Variants in TOM1L1 observed in about 807,000 individuals in gnomAD.
TOM1L1 encodes the protein TOM1-like protein 1.
In TOM1L1, 64 loss-of-function variants were observed where a neutral mutation model predicts 63.4. That is an observed-to-expected ratio of 1.01 (90% confidence interval 0.83 to 1.24). TOM1L1 has a LOEUF of 1.24. TOM1L1 is among the 50% of genes most tolerant of loss of function. The pLI is 0.00. For synonymous variants in TOM1L1, 166 were observed against 194.4 expected (o/e 0.85, Z 1.22); for missense variants, 536 against 567.0 (o/e 0.95, Z 0.55).
At chr17:54,909,103 A>T (rs967491851) in intron 3 of TOM1L1, among the ~76,000 whole-genome samples, 1 of 152,124 alleles carries the variant, frequency 6.6e-6, no homozygotes, top group African/African-American at 2.4e-5. Context: ...TACTGAAAAT[A>T]CAAAAACTAG....
intron 14 of TOM1L1, chr17:54,959,616 A>AT (rs71361745): frequency 0.019 from 2,663 of 138,658 alleles, 82 homozygotes; most frequent in African/African-American, 0.058. Context: ...TGGAAGATTA[A>AT]TTTTTTTTTT....
chr17:54,915,957 T>A, intron 7 of TOM1L1, 95 bp downstream of exon 7: 1 of 816,240 alleles, frequency 1.2e-6, no homozygotes, highest in Non-Finnish European at 2.0e-6. Context: ...TAATATTGTC[T>A]AGTACATCCT....
chr17:54,920,610 C>T (rs2048668360), intron 7 of TOM1L1, among the ~76,000 whole-genome samples: 1 of 152,150 alleles, frequency 6.6e-6, no homozygotes, highest in Non-Finnish European at 1.5e-5. Context: ...CCAGAAGCAA[C>T]CCATACTAAC....
intron 3 of TOM1L1, among the ~76,000 whole-genome samples, chr17:54,906,993 A>G (rs937798423): frequency 2.0e-5 from 3 of 152,244 alleles, no homozygotes; most frequent in African/African-American, 7.2e-5. Context: ...ATATGTGAGC[A>G]TAGCTCCTGG....
chr17:54,933,454 G>A (rs1380076022), intron 8 of TOM1L1, among the ~76,000 whole-genome samples: 1 of 152,254 alleles, frequency 6.6e-6, no homozygotes, highest in Non-Finnish European at 1.5e-5. Flanking sequence ...GGTTAAGGAT[G>A]CACCTGTGGC....
At chr17:54,945,617 G>A (rs2049105613) in intron 11 of TOM1L1, among the ~76,000 whole-genome samples, 1 of 151,570 alleles carries the variant, frequency 6.6e-6, no homozygotes, top group Non-Finnish European at 1.5e-5. Context: ...TTATGTTCAA[G>A]TTCACCGACT....
At chr17:54,910,169 G>T (rs1156779621) in intron 3 of TOM1L1, among the ~76,000 whole-genome samples, 3 of 152,152 alleles carry the variant, frequency 2.0e-5, no homozygotes, top group African/African-American at 7.2e-5. Flanking sequence ...AAATTAGTTT[G>T]TGAGGGCCAG....
At chr17:54,960,208 C>T (rs1476975992) in intron 14 of TOM1L1, among the ~76,000 whole-genome samples, 1 of 151,768 alleles carries the variant, frequency 6.6e-6, no homozygotes, top group African/African-American at 2.4e-5. Flanking sequence ...ACTTAAAATA[C>T]AAAAAAATTA....
intron 7 of TOM1L1, 115 bp from the exon 8 acceptor site, chr17:54,929,958 C>A: frequency 7.8e-7 from 1 of 1,276,944 alleles, no homozygotes; most frequent in South Asian, 1.4e-5. Flanking sequence ...TTTGGTAGTG[C>A]CCCACAGGCT....
At chr17:54,910,363 T>C (rs2048478295) in intron 3 of TOM1L1, among the ~76,000 whole-genome samples, 1 of 152,082 alleles carries the variant, frequency 6.6e-6, no homozygotes, top group Non-Finnish European at 1.5e-5. Context: ...AGCCGAGGCA[T>C]GAGAATCACC....
chr17:54,904,054 C>T (rs371085106), intron 2 of TOM1L1, among the ~76,000 whole-genome samples: 15 of 152,232 alleles, frequency 9.9e-5, no homozygotes, highest in African/African-American at 3.4e-4. Flanking sequence ...CACTGTGAAG[C>T]TCAAATTCCT....
intron 10 of TOM1L1, chr17:54,938,146 T>G: frequency 6.6e-6 from 1 of 152,200 alleles, no homozygotes; most frequent in East Asian, 1.9e-4. Flanking sequence ...AGTTTTTAAT[T>G]GAGAATTTTC....
At chr17:54,940,124 G>A (rs2049012364) in intron 11 of TOM1L1, among the ~76,000 whole-genome samples, 1 of 152,058 alleles carries the variant, frequency 6.6e-6, no homozygotes, top group Admixed American at 6.6e-5. Flanking sequence ...TCAAACACCT[G>A]GGCTCAAGCG....
chr17:54,917,150 C>T (rs970110289), intron 7 of TOM1L1: 2 of 152,026 alleles, frequency 1.3e-5, no homozygotes, highest in African/African-American at 4.8e-5. Flanking sequence ...ACTTATCTTC[C>T]TTAGTAGATG....
intron 2 of TOM1L1, among the ~76,000 whole-genome samples, chr17:54,904,526 T>TA (rs2048380159): frequency 6.6e-6 from 1 of 152,220 alleles, no homozygotes; most frequent in Admixed American, 6.5e-5. Context: ...TTATTTCTAG[T>TA]AACCAGGAAA....
intron 14 of TOM1L1, chr17:54,953,760 C>T (rs1426189876): frequency 6.6e-6 from 1 of 152,122 alleles, no homozygotes; most frequent in Non-Finnish European, 1.5e-5. Flanking sequence ...TACTATAGAC[C>T]TTAAAGGAGA....
At position 54,930,058 on chromosome 17, in the gene TOM1L1, T is replaced by C. The variant is rs2048832555; in HGVS notation, c.721-15T>C. The stretch of plus-strand genomic sequence containing the variant: ...CCAAGTGTGGAAGAAGAAATCTCTC[T>C]CCTTTCTTTGACAGAAACTCTATAA... On this transcript the variant is annotated splice_polypyrimidine_tract_variant and intron_variant, in intron 7 of 15. Coordinates refer to ENST00000575882, the MANE Select transcript of TOM1L1 (RefSeq NM_005486.3). The C allele has an allele frequency of 6.2e-7, 1 of 1,613,828 alleles. No homozygotes were observed. The highest frequency in any genetic ancestry group is 1.1e-5 in the South Asian group (1 of 91,058).
chr17:54,946,309 T>C (rs971558589), intron 11 of TOM1L1, among the ~76,000 whole-genome samples: 2 of 152,130 alleles, frequency 1.3e-5, no homozygotes, highest in African/African-American at 4.8e-5. Flanking sequence ...TCATCGTGAT[T>C]TATCTGGTAC....
Position 54,947,426 on chromosome 17 carries a change from G to T in TOM1L1, c.1182+114G>T. Reference sequence around the variant, plus strand: ...CTGCTCAGTATTGTGTTGATGCGCAGCCCCTGTTAGCAAGATGGTAAGGAT... The same window carrying T: ...CTGCTCAGTATTGTGTTGATGCGCATCCCCTGTTAGCAAGATGGTAAGGAT... On this transcript the variant is annotated intron_variant, in intron 12 of 15. Transcript: ENST00000575882. 2.5e-6 allele frequency: 3 copies of T among 1,185,022 alleles called. 1 individual carries two copies. In the South Asian group the frequency reaches 3.9e-5, roughly 16 times the overall value. 73.4% of individuals were successfully genotyped at this position (1,185,022 alleles called of 1,614,324 possible).
Sources: allele counts gnomAD v4.1 joint callset (sites outside exome capture counted in the v4.1 genomes callset), GRCh38; gene constraint gnomAD v4.1.1; transcripts MANE v1.5; gene names NCBI Gene and HGNC (gene_info 2026-07-23, HGNC 2026-07-21).